Variants in ATOSA observed in about 807,000 individuals in gnomAD.
ATOSA encodes atos homolog A, also known as atos homolog protein A.
chr15:52,620,540 T>C, the ATOSA span, among the ~76,000 whole-genome samples: 5 of 152,218 alleles, frequency 3.3e-5, no homozygotes, highest in Non-Finnish European at 7.3e-5. Context: ...ATATATGCTG[T>C]TTATTTCTAA....
the ATOSA span, among the ~76,000 whole-genome samples, chr15:52,640,255 C>A: frequency 6.6e-6 from 1 of 151,866 alleles, no homozygotes; most frequent in African/African-American, 2.4e-5. Context: ...ACATATTACT[C>A]TTTTATCTTT....
chr15:52,618,253 A>G, the ATOSA span, among the ~76,000 whole-genome samples: 2 of 152,034 alleles, frequency 1.3e-5, no homozygotes, highest in Non-Finnish European at 2.9e-5. Flanking sequence ...GTTAGCCAGC[A>G]TGGTCTCGAT....
At chr15:52,679,624 C>A in the ATOSA span, among the ~76,000 whole-genome samples, 1 of 152,182 alleles carries the variant, frequency 6.6e-6, no homozygotes. Context: ...ACTTCGGTTG[C>A]GCTCCCAGCC....
At chr15:52,639,961 T>C in the ATOSA span, among the ~76,000 whole-genome samples, 2 of 151,708 alleles carry the variant, frequency 1.3e-5, no homozygotes, top group Non-Finnish European at 2.9e-5. Context: ...GGTTTCACCA[T>C]GTTGGCCAGG....
At chr15:52,656,975 C>T in the ATOSA span, 3 of 152,076 alleles carry the variant, frequency 2.0e-5, no homozygotes, top group Admixed American at 2.0e-4. Flanking sequence ...ACCAATCACA[C>T]ATTTTTTATT....
chr15:52,706,762 T>C, the ATOSA span, among the ~76,000 whole-genome samples: 1 of 152,164 alleles, frequency 6.6e-6, no homozygotes, highest in Admixed American at 6.5e-5. Context: ...TGCCACAAAA[T>C]GGATGAAATC....
the ATOSA span, chr15:52,610,341 C>T: frequency 6.2e-7 from 1 of 1,612,454 alleles, no homozygotes; most frequent in East Asian, 2.2e-5. Flanking sequence ...CAATTGGAGT[C>T]TGTGAAAAAT....
chr15:52,619,047 C>T, the ATOSA span, among the ~76,000 whole-genome samples: 1 of 152,004 alleles, frequency 6.6e-6, no homozygotes, highest in Admixed American at 6.6e-5. Flanking sequence ...CTGTTAATTA[C>T]CAATGTAACT....
At chr15:52,654,317 C>T in the ATOSA span, among the ~76,000 whole-genome samples, 2 of 152,098 alleles carry the variant, frequency 1.3e-5, no homozygotes, top group Non-Finnish European at 2.9e-5. Context: ...GTGAAATGCT[C>T]CCCTCTATGC....
chr15:52,654,139 T>C, the ATOSA span, among the ~76,000 whole-genome samples: 1 of 38,278 alleles, frequency 2.6e-5, no homozygotes, highest in Non-Finnish European at 8.6e-5. Flanking sequence ...AATTAAAGGG[T>C]AGTGATATAT....
At chr15:52,605,019 A>G in the ATOSA span, 1 of 698,458 alleles carries the variant, frequency 1.4e-6, no homozygotes, top group Admixed American at 3.4e-5. Context: ...ATGTTTCCTT[A>G]CTGGAAATTT....
chr15:52,651,915 C>A, the ATOSA span: 1 of 1,535,452 alleles, frequency 6.5e-7, no homozygotes, highest in Non-Finnish European at 8.7e-7. Context: ...ATACTGGAAT[C>A]CTTGTATAAA....
chr15:52,583,307 C>T, the ATOSA span, among the ~76,000 whole-genome samples: 2 of 152,222 alleles, frequency 1.3e-5, no homozygotes, highest in Non-Finnish European at 1.5e-5. Flanking sequence ...AAGAGGAATG[C>T]TGTCAAATGC....
the ATOSA span, chr15:52,587,798 C>T: frequency 1.8e-4 from 28 of 152,358 alleles, no homozygotes; most frequent in African/African-American, 6.5e-4. Flanking sequence ...AAAGTTAAAT[C>T]AGTAACTTTA....
the ATOSA span, among the ~76,000 whole-genome samples, chr15:52,669,222 G>T: frequency 2.6e-5 from 4 of 151,974 alleles, no homozygotes; most frequent in Non-Finnish European, 4.4e-5. Context: ...CGCCTGGCCT[G>T]AAATTTTTAA....
At chr15:52,642,909 C>T in the ATOSA span, among the ~76,000 whole-genome samples, 1,097 of 152,306 alleles carry the variant, frequency 7.2e-3, 6 homozygotes, top group Middle Eastern at 0.014. Flanking sequence ...CTCAAATCAT[C>T]TTCCCGCCTT....
the ATOSA span, among the ~76,000 whole-genome samples, chr15:52,650,804 C>T: frequency 6.6e-6 from 1 of 152,076 alleles, no homozygotes; most frequent in Admixed American, 6.6e-5. Flanking sequence ...AACGAAAAAG[C>T]AAAGGAAAAG....
At chr15:52,639,783 T>G in the ATOSA span, among the ~76,000 whole-genome samples, 2 of 152,152 alleles carry the variant, frequency 1.3e-5, no homozygotes, top group Non-Finnish European at 2.9e-5. Context: ...AAAGTCTTGG[T>G]CTTGTGGCCC....
At chr15:52,622,432 C>T in the ATOSA span, among the ~76,000 whole-genome samples, 1 of 152,138 alleles carries the variant, frequency 6.6e-6, no homozygotes, top group Non-Finnish European at 1.5e-5. Flanking sequence ...AACATAACCA[C>T]TATGTAGACT....
Sources: allele counts gnomAD v4.1 joint callset (sites outside exome capture counted in the v4.1 genomes callset), GRCh38; gene constraint gnomAD v4.1.1; transcripts MANE v1.5; gene names NCBI Gene and HGNC (gene_info 2026-07-23, HGNC 2026-07-21).